The following MGAT4A variants were observed in gnomAD, a reference collection of about 807,000 sequenced individuals.
MGAT4A encodes alpha-1,3-mannosyl-glycoprotein 4-beta-N-acetylglucosaminyltransferase A.
Under a neutral mutation model 74.1 loss-of-function variants are expected in MGAT4A, and 33 were observed. The ratio of observed to expected loss-of-function variants is 0.45; its 90% CI spans 0.34 to 0.60. The LOEUF (loss-of-function observed/expected upper bound fraction) is 0.60. Ranked by LOEUF, MGAT4A falls within the 20% of genes least tolerant of loss-of-function variation. MGAT4A has a pLI of 0.02. For synonymous variants in MGAT4A, 198 were observed against 210.4 expected, an observed-to-expected ratio of 0.94 and a Z score of 0.51; for missense variants, 479 against 628.3, an observed-to-expected ratio of 0.76 and a Z score of 2.54.
intron 4 of MGAT4A, chr2:98,663,573 T>A: frequency 1.1e-6 from 1 of 884,650 alleles, no homozygotes; most frequent in Non-Finnish European, 1.5e-6. Context: ...GTTCTGTGGT[T>A]GTTCTTGCCA....
intron 3 of MGAT4A, 61 bp downstream of exon 3, chr2:98,678,243 A>ATATAT (rs1425233300): frequency 5.4e-5 from 20 of 372,520 alleles, no homozygotes; most frequent in African/African-American, 4.7e-4. Flanking sequence ...GAAAAAAAAA[A>ATATAT]AAAAAAATAT....
intron 2 of MGAT4A, among the ~76,000 whole-genome samples, chr2:98,705,534 G>A (rs543858317): frequency 6.6e-6 from 1 of 152,222 alleles, no homozygotes; most frequent in Non-Finnish European, 1.5e-5. Context: ...GCCCTGCTCT[G>A]GACAGTAAAT....
intron 8 of MGAT4A, 65 bp downstream of exon 8, chr2:98,655,380 A>G (rs1222267261): frequency 1.6e-6 from 2 of 1,277,090 alleles, no homozygotes; most frequent in African/African-American, 3.0e-5. Context: ...TGTTTTAATG[A>G]AAACATACCC....
intron 14 of MGAT4A, among the ~76,000 whole-genome samples, chr2:98,632,203 G>A (rs1377510094): frequency 2.0e-5 from 3 of 152,142 alleles, no homozygotes; most frequent in Non-Finnish European, 2.9e-5. Context: ...AACTAAAAGA[G>A]CACCCTGTAA....
chr2:98,705,798 C>T (rs1468184326), intron 2 of MGAT4A, among the ~76,000 whole-genome samples: 1 of 151,858 alleles, frequency 6.6e-6, no homozygotes, highest in East Asian at 1.9e-4. Flanking sequence ...AAAAAATTAG[C>T]CGGGCGCGGT....
rs534943882 is a variant in MGAT4A, at chr2:98,660,418, GCACACACA to G, written c.538-2162_538-2155del. 2.4e-3 allele frequency among the ~76,000 whole-genome samples: 339 copies of G among 141,708 alleles called. 2 individuals carry two copies. The highest frequency in any genetic ancestry group is 6.4e-3 in the African/African-American group (242 of 37,792). The allele number at this position is 141,708 out of a possible 152,430, so 93.0% of individuals were successfully genotyped here. On this transcript the variant is annotated intron_variant, in intron 5 of 15. Transcript: ENST00000393487. ...CACACACACACACACACACGCACGC[GCACACACA>G]CACACACACACACACACACACACAC... is the stretch of plus-strand genomic sequence containing the variant.
Position 98,625,099 on chromosome 2 carries a change from C to A in MGAT4A, c.*467G>T. 1 of 941,770 alleles carries A rather than the reference C, an allele frequency of 1.1e-6. No homozygotes were observed. The highest frequency in any genetic ancestry group is 1.3e-6 in the Non-Finnish European group (1 of 790,280). 58.3% of individuals were successfully genotyped at this position (941,770 alleles called of 1,614,324 possible). A position where few individuals can be genotyped will look rare whatever the true frequency, so the allele number is the denominator to read the frequency against. On this transcript the variant is annotated 3_prime_UTR_variant, in exon 16 of 16. Coordinates refer to ENST00000393487, the MANE Select transcript of MGAT4A (RefSeq NM_012214.3). ...ATCTACTGCACAAAAATATGTACTT[C>A]TTAAGTGTTTCTAATAAATTAATTC...
At chr2:98,654,582 T>C (rs959473309) in intron 8 of MGAT4A, among the ~76,000 whole-genome samples, 9 of 152,190 alleles carry the variant, frequency 5.9e-5, no homozygotes, top group African/African-American at 2.2e-4. Context: ...ATAAAATACT[T>C]AGGAATAAAC....
At chr2:98,672,924 A>G (rs1701930603) in intron 4 of MGAT4A, among the ~76,000 whole-genome samples, 1 of 152,192 alleles carries the variant, frequency 6.6e-6, no homozygotes. Context: ...TTTTTAAATC[A>G]TATTCAGTTT....
chr2:98,656,364 T>C lies in MGAT4A; in HGVS notation c.686A>G (p.Lys229Arg), dbSNP rs1362630647. Residue 229 changes from lysine to arginine, a missense_variant, in exon 7 of 16, where the codon AAA (lysine) becomes AGA (arginine). Physicochemically the swap from Lys to Arg is conservative, Grantham distance 26. Transcript: ENST00000393487. ...GGCACATGCTCACCTTACTCTTTCT[T>C]TGGAGTCTCCAAATGTCTCCTTTAG... is the stretch of plus-strand genomic sequence containing the variant. ...TNLKETFGDS[K>R]ERVRWRTKQN... 6.3e-6 allele frequency: 10 copies of C among 1,595,574 alleles called. No individual in the cohort carries two copies. The Admixed American group carries it at 1.3e-4, about 21-fold the overall frequency.
At chr2:98,626,037 A>G (rs1206406920) in intron 14 of MGAT4A, among the ~76,000 whole-genome samples, 1 of 152,190 alleles carries the variant, frequency 6.6e-6, no homozygotes, top group Admixed American at 6.5e-5. Flanking sequence ...TAAAAACTTC[A>G]CAATTTACTT....
chr2:98,689,144 C>T (rs1409283547), intron 2 of MGAT4A, among the ~76,000 whole-genome samples: 1 of 152,178 alleles, frequency 6.6e-6, no homozygotes, highest in East Asian at 1.9e-4. Context: ...TCTAAGACTA[C>T]TGGCATCATC....
At chr2:98,721,105 A>G (rs1403533113) in intron 2 of MGAT4A, among the ~76,000 whole-genome samples, 1 of 151,996 alleles carries the variant, frequency 6.6e-6, no homozygotes, top group African/African-American at 2.4e-5. Context: ...CTCAGCAGAA[A>G]TAATAGAGGA....
In MGAT4A at chr2:98,620,681, TAC is replaced by T. The variant is rs1285979811; in HGVS notation, c.*4883_*4884del. ...GGTTAAAAAAAATTAAATCCCTCGA[TAC>T]ACAGATTATCTGATCTCTACAAGGC... On this transcript the variant is annotated 3_prime_UTR_variant, in exon 16 of 16. Transcript: ENST00000393487. The T allele has an allele frequency of 6.6e-6, 1 of 152,220 alleles. No individual in the cohort carries two copies. Among genetic ancestry groups the T allele is most frequent in the Non-Finnish European group, 1.5e-5 (1 of 68,026 alleles). 9.4% of individuals were successfully genotyped at this position (152,220 alleles called of 1,614,324 possible).
Position 98,619,304 on chromosome 2 carries a change from C to T in MGAT4A, c.*6262G>A, listed in dbSNP as rs1447671096. 1 of 152,302 alleles carries T rather than the reference C, an allele frequency of 6.6e-6. No homozygotes were observed. Among genetic ancestry groups the T allele is most frequent in the Non-Finnish European group, 1.5e-5 (1 of 67,992 alleles). 9.4% of individuals were successfully genotyped at this position (152,302 alleles called of 1,614,324 possible). A position where few individuals can be genotyped will look rare whatever the true frequency, so the allele number is the denominator to read the frequency against. ...TCTTCCTTTAAAAATCCAACAAGTA[C>T]CTAAAATATTACTACGGATAGGAAT... is the stretch of plus-strand genomic sequence containing the variant. On this transcript the variant is annotated 3_prime_UTR_variant, in exon 16 of 16. Coordinates refer to ENST00000393487, the MANE Select transcript of MGAT4A (RefSeq NM_012214.3).
intron 14 of MGAT4A, among the ~76,000 whole-genome samples, chr2:98,632,088 C>T (rs138080467): frequency 4.6e-4 from 69 of 151,374 alleles, no homozygotes; most frequent in African/African-American, 1.4e-3. Flanking sequence ...TCAGCCTGGG[C>T]GGCAAAGCGA....
At chr2:98,700,375 GATATC>G (rs970820825) in intron 2 of MGAT4A, among the ~76,000 whole-genome samples, 2 of 147,984 alleles carry the variant, frequency 1.4e-5, no homozygotes, top group African/African-American at 4.9e-5. Flanking sequence ...TACTATATAT[GATATC>G]ATATTAGTAT....
intron 13 of MGAT4A, 66 bp downstream of exon 13, chr2:98,636,451 A>G: frequency 8.3e-7 from 1 of 1,211,952 alleles, no homozygotes; most frequent in African/African-American, 1.5e-5. Flanking sequence ...AAAAACAAGA[A>G]AAGCTTCAAG....
intron 1 of MGAT4A, among the ~76,000 whole-genome samples, chr2:98,730,619 C>A (rs1702838350): frequency 1.3e-5 from 2 of 151,642 alleles, no homozygotes; most frequent in Non-Finnish European, 2.9e-5. Context: ...GCTGTCCCTC[C>A]CCCTCCGCAC....
Sources: allele counts gnomAD v4.1 joint callset (sites outside exome capture counted in the v4.1 genomes callset), GRCh38; gene constraint gnomAD v4.1.1; transcripts MANE v1.5; gene names NCBI Gene and HGNC (gene_info 2026-07-23, HGNC 2026-07-21).